The following PRRC2C variants were observed in gnomAD, a reference collection of about 807,000 sequenced individuals.
PRRC2C encodes the protein protein PRRC2C.
Under a neutral mutation model 317.2 loss-of-function variants are expected in PRRC2C, and 72 were observed. The ratio of observed to expected loss-of-function variants is 0.23; its 90% CI spans 0.19 to 0.28. The LOEUF (loss-of-function observed/expected upper bound fraction) is 0.28. Among genes scored for constraint, PRRC2C ranks in the 10% least tolerant of loss-of-function variants. The pLI is 1.00. For missense variants in PRRC2C, 3,074 were observed against 3,459.7 expected (o/e 0.89, Z 2.80); for synonymous variants, 1,296 against 1,205.9 (o/e 1.07, Z -1.55).
rs78437842 is a variant in PRRC2C, at chr1:171,492,290, G to T, written c.-58+6555G>T. ...AGAGGGATGGAAAAAGCCAAGAATG[G>T]CCTACCCATGCTGAATGATTTGTTT... is the stretch of plus-strand genomic sequence containing the variant. On this transcript the variant is annotated intron_variant, in intron 1 of 34. Transcript: ENST00000647382. Among the ~76,000 whole-genome samples, 736 of 152,268 alleles carry T rather than the reference G, an allele frequency of 4.8e-3. 4 individuals are homozygous for T. Among genetic ancestry groups the T allele is most frequent in the African/African-American group, 0.016 (685 of 41,548 alleles).
chr1:171,488,213 T>TA (rs1666478157), intron 1 of PRRC2C, among the ~76,000 whole-genome samples: 1 of 152,262 alleles, frequency 6.6e-6, no homozygotes. Context: ...GGTAAAATGT[T>TA]ACATAAGTTA....
chr1:171,497,787 G>C (rs1668395535), intron 1 of PRRC2C, among the ~76,000 whole-genome samples: 1 of 151,852 alleles, frequency 6.6e-6, no homozygotes, highest in Non-Finnish European at 1.5e-5. Context: ...GTATTTTTAC[G>C]TTATACTATA....
intron 1 of PRRC2C, chr1:171,511,028 A>G (rs1671274361): frequency 1.3e-5 from 2 of 152,190 alleles, no homozygotes. Flanking sequence ...ATGAAACGAA[A>G]TTTATAAAAG....
Position 171,577,585 on chromosome 1 carries a change from T to G in PRRC2C, c.7107T>G (p.Leu2369=), listed in dbSNP as rs771807255. The change falls in exon 26 of 35, where the codon CTT becomes CTG. Residue 2369 remains leucine (L), a synonymous_variant. Transcript: ENST00000647382. The part of the protein sequence containing the change: ...HFSQLSCMPS[L]IAQQQQNPQV... ...CACAGTTAAGCTGTATGCCTTCCCT[T>G]ATTGCCCAGCAGCAACAGAATCCGC... 1 of 1,613,866 alleles carries G rather than the reference T, an allele frequency of 6.2e-7. No individual in the cohort carries two copies. The highest frequency in any genetic ancestry group is 8.5e-7 in the Non-Finnish European group (1 of 1,179,834).
chr1:171,582,096 A>T (rs572837489), intron 28 of PRRC2C, among the ~76,000 whole-genome samples: 4 of 152,226 alleles, frequency 2.6e-5, no homozygotes, highest in African/African-American at 9.6e-5. Context: ...TTCCATGGAG[A>T]TCTTGAGGCT....
In PRRC2C at chr1:171,589,609, A is replaced by G; in HGVS notation, c.8436+4A>G. ...GAAGGCTGAACAAGACATGAAGGTTAGTACAGTGTTAACAGCCAACAGATC... is the reference window on the plus strand; with the variant it reads ...GAAGGCTGAACAAGACATGAAGGTTGGTACAGTGTTAACAGCCAACAGATC... On this transcript the variant is annotated splice_donor_region_variant and intron_variant, in intron 34 of 34. Coordinates refer to ENST00000647382, the MANE Select transcript of PRRC2C (RefSeq NM_001387844.1). 7.8e-7 allele frequency: 1 copy of G among 1,287,070 alleles called. No homozygotes were observed. Among genetic ancestry groups the G allele is most frequent in the Non-Finnish European group, 1.0e-6 (1 of 986,386 alleles). The allele number at this position is 1,287,070 out of a possible 1,614,324, so 79.7% of individuals were successfully genotyped here. A position where few individuals can be genotyped will look rare whatever the true frequency, so the allele number is the denominator to read the frequency against.
chr1:171,568,369 T>C, intron 23 of PRRC2C, 30 bp downstream of exon 23: 2 of 1,571,992 alleles, frequency 1.3e-6, no homozygotes, highest in Non-Finnish European at 8.6e-7. Flanking sequence ...TGTGGCAAGT[T>C]TGGATTGGAA....
At chr1:171,560,296 T>C (rs1572013416) in intron 19 of PRRC2C, among the ~76,000 whole-genome samples, 1 of 152,366 alleles carries the variant, frequency 6.6e-6, no homozygotes, top group African/African-American at 2.4e-5. Flanking sequence ...CAAAGAAAGT[T>C]GTTTTTTGTG....
At chr1:171,490,969 T>C (rs1215667019) in intron 1 of PRRC2C, among the ~76,000 whole-genome samples, 1 of 152,224 alleles carries the variant, frequency 6.6e-6, no homozygotes, top group Non-Finnish European at 1.5e-5. Flanking sequence ...AAGGATAATA[T>C]CCATTTCCCC....
chr1:171,558,512 G>A (rs956015324), intron 19 of PRRC2C, among the ~76,000 whole-genome samples: 2 of 152,074 alleles, frequency 1.3e-5, no homozygotes, highest in Non-Finnish European at 1.5e-5. Flanking sequence ...GTCATTTCAT[G>A]TTCTGTGTCA....
chr1:171,583,831 G>C (rs1429646622), intron 28 of PRRC2C, 125 bp from the exon 29 acceptor site: 2 of 766,776 alleles, frequency 2.6e-6, no homozygotes, highest in Admixed American at 2.7e-5. Flanking sequence ...TATGTGGTCT[G>C]TTGTTGACTA....
chr1:171,521,321 C>T (rs1468263654), intron 6 of PRRC2C, among the ~76,000 whole-genome samples: 1 of 152,128 alleles, frequency 6.6e-6, no homozygotes, highest in Admixed American at 6.5e-5. Context: ...CATTCTTTGA[C>T]CCTTCTTCCC....
rs1468027489 is a variant in PRRC2C, at chr1:171,512,094, G to A, written c.6G>A (p.Ser2=). ...CTCGATGAGTTTCCACCGAAATGTC[G>A]GAGAAGTCAGGCCAGAGCACAAAAG... M[S]EKSGQSTKAK... Residue 2 remains serine, a synonymous_variant, in exon 2 of 35, where the codon TCG becomes TCA. Coordinates refer to ENST00000647382, the MANE Select transcript of PRRC2C (RefSeq NM_001387844.1). The A allele has an allele frequency of 1.9e-6, 3 of 1,562,188 alleles. No individual in the cohort carries two copies. Among genetic ancestry groups the A allele is most frequent in the East Asian group, 2.4e-5 (1 of 42,128 alleles).
In PRRC2C at chr1:171,583,952, G is replaced by T. The variant is rs748247049; in HGVS notation, c.7410-4G>T. On this transcript the variant is annotated splice_region_variant and splice_polypyrimidine_tract_variant and intron_variant, in intron 28 of 34. Transcript: ENST00000647382. Reference sequence around the variant, plus strand: ...ACAATATTTTCTCTTTAATCCTTATGTAGATCTCAGCCAGCTTTTATGCAA... The same window carrying T: ...ACAATATTTTCTCTTTAATCCTTATTTAGATCTCAGCCAGCTTTTATGCAA... 2 of 1,607,952 alleles carry T rather than the reference G, an allele frequency of 1.2e-6. No individual in the cohort carries two copies. Among genetic ancestry groups the T allele is most frequent in the Non-Finnish European group, 8.5e-7 (1 of 1,174,492 alleles).
At chr1:171,537,920 A>T (rs1195058794) in intron 15 of PRRC2C, among the ~76,000 whole-genome samples, 2 of 151,880 alleles carry the variant, frequency 1.3e-5, no homozygotes, top group Admixed American at 1.3e-4. Context: ...TTTGTTTTTG[A>T]GACAGAGTCT....
rs781240816 is a variant in PRRC2C at position 171,571,462 on chromosome 1, A to G, written c.6753+41A>G. ...ATCTCTAAGAGTCCTTAATTGTTGCATGCAAGGGGACATAAGTTAACAATA... is the reference window on the plus strand; with the variant it reads ...ATCTCTAAGAGTCCTTAATTGTTGCGTGCAAGGGGACATAAGTTAACAATA... On this transcript the variant is annotated intron_variant, in intron 24 of 34. Coordinates refer to ENST00000647382, the MANE Select transcript of PRRC2C (RefSeq NM_001387844.1). The G allele has an allele frequency of 2.2e-6, 3 of 1,388,096 alleles. No homozygotes were observed. In the East Asian group the frequency reaches 6.9e-5, roughly 32 times the overall value. 86.0% of individuals were successfully genotyped at this position (1,388,096 alleles called of 1,614,324 possible).
chr1:171,501,177 CAT>C, intron 1 of PRRC2C, among the ~76,000 whole-genome samples: 1 of 151,812 alleles, frequency 6.6e-6, no homozygotes, highest in Non-Finnish European at 1.5e-5. Flanking sequence ...GGTTACTACT[CAT>C]GAGCTACTGT....
At position 171,522,205 on chromosome 1, in the gene PRRC2C, ATCC is replaced by A. The variant is rs769533173; in HGVS notation, c.785_787del (p.Pro262del). ...TTCCAACAGTATCCGAGGATGACATATCCTCCTCTACATGGTCCCATGAGATTC... is the reference window on the plus strand; with the variant it reads ...TTCCAACAGTATCCGAGGATGACATATCCTCTACATGGTCCCATGAGATTC... On this transcript the variant is annotated inframe_deletion, in exon 7 of 35. Transcript: ENST00000647382. 11 of 1,594,230 alleles carry A rather than the reference ATCC, an allele frequency of 6.9e-6. No individual in the cohort carries two copies. Among genetic ancestry groups the A allele is most frequent in the Non-Finnish European group, 9.4e-6 (11 of 1,165,118 alleles).
At chr1:171,507,906 C>G (rs1670557396) in intron 1 of PRRC2C, among the ~76,000 whole-genome samples, 2 of 152,128 alleles carry the variant, frequency 1.3e-5, no homozygotes, top group Non-Finnish European at 2.9e-5. Context: ...CTTTTTGATG[C>G]TCTAGTAAAT....
Sources: allele counts gnomAD v4.1 joint callset (sites outside exome capture counted in the v4.1 genomes callset), GRCh38; gene constraint gnomAD v4.1.1; transcripts MANE v1.5; gene names NCBI Gene and HGNC (gene_info 2026-07-23, HGNC 2026-07-21).